CLN8: variants seen among roughly 807,000 people sequenced by gnomAD.
CLN8 encodes the protein CLN8 transmembrane ER and ERGIC protein.
In CLN8, 14 loss-of-function variants were observed where a neutral mutation model predicts 15.7. The observed-to-expected ratio is 0.89, with a 90% CI of 0.59 to 1.39. The LOEUF is 1.39. Among genes scored for constraint, CLN8 ranks in the 40% most tolerant of loss-of-function variants. The pLI, the probability that CLN8 is intolerant of heterozygous loss-of-function variation, is 0.00. For missense variants in CLN8, 415 were observed against 364.0 expected, an observed-to-expected ratio of 1.14 and a Z score of -1.14; for synonymous variants, 188 against 151.0, an observed-to-expected ratio of 1.25 and a Z score of -1.80.
intron 1 of CLN8, among the ~76,000 whole-genome samples, chr8:1,756,883 A>C (rs1406350031): frequency 6.6e-6 from 1 of 152,052 alleles, no homozygotes; most frequent in Non-Finnish European, 1.5e-5. Flanking sequence ...GGGTTTGACC[A>C]TGTTGGTCAG....
chr8:1,779,026 C>G (rs1157664244), intron 2 of CLN8, among the ~76,000 whole-genome samples: 1 of 152,178 alleles, frequency 6.6e-6, no homozygotes, highest in South Asian at 2.1e-4. Flanking sequence ...CAACAGAATG[C>G]TGAACAGCTC....
In CLN8 at chr8:1,780,421, G is replaced by C. The variant is rs1204045224; in HGVS notation, c.715G>C (p.Ala239Pro). The C allele has an allele frequency of 6.2e-7, 1 of 1,614,208 alleles. No homozygotes were observed. ...TTTGACACTGTTCCTTGTCGGACTGGCTCTGCTTACGCTAATCATTAATCC... is the reference window on the plus strand; with the variant it reads ...TTTGACACTGTTCCTTGTCGGACTGCCTCTGCTTACGCTAATCATTAATCC... ...PHLTLFLVGL[A>P]LLTLIINPYW... The change falls in exon 3 of 3, where the codon GCT (alanine) becomes CCT (proline). Residue 239 changes from alanine to proline, a missense_variant. Transcript: ENST00000331222.
At chr8:1,757,550 C>A (rs554796077) in intron 1 of CLN8, among the ~76,000 whole-genome samples, 105 of 152,282 alleles carry the variant, frequency 6.9e-4, no homozygotes, top group African/African-American at 2.5e-3. Context: ...ATGTAATTCT[C>A]CTGCCTCAGC....
chr8:1,774,545 C>T (rs895374727), intron 2 of CLN8, among the ~76,000 whole-genome samples: 3 of 152,144 alleles, frequency 2.0e-5, no homozygotes, highest in African/African-American at 4.8e-5. Flanking sequence ...CTGATTTGAT[C>T]AGAACTAAAG....
upstream of CLN8, among the ~76,000 whole-genome samples, chr8:1,753,772 G>A (rs1212430630): frequency 2.0e-5 from 3 of 151,066 alleles, no homozygotes; most frequent in Non-Finnish European, 4.4e-5. Context: ...TGTAATCCCA[G>A]CTACATGGGA....
At chr8:1,769,866 G>T (rs939943585) in intron 1 of CLN8, among the ~76,000 whole-genome samples, 2 of 152,200 alleles carry the variant, frequency 1.3e-5, no homozygotes, top group Non-Finnish European at 2.9e-5. Flanking sequence ...TGGAAGGCAG[G>T]TGTGGTCTGT....
exon 1 of CLN8, chr8:1,755,786 C>T (rs1800656260): frequency 6.6e-6 from 1 of 152,206 alleles, no homozygotes; most frequent in Non-Finnish European, 1.5e-5. Flanking sequence ...GGAATGAACT[C>T]CATGCTTGCA....
intron 2 of CLN8, among the ~76,000 whole-genome samples, chr8:1,775,270 T>C (rs1326901627): frequency 6.6e-6 from 1 of 152,228 alleles, no homozygotes; most frequent in Non-Finnish European, 1.5e-5. Flanking sequence ...TTAGGTTATA[T>C]GCACATACAA....
At position 1,780,316 on chromosome 8, in the gene CLN8, C is replaced by T. The variant is rs104894060; in HGVS notation, c.610C>T (p.Arg204Cys). The T allele has an allele frequency of 9.9e-6, 16 of 1,614,116 alleles. No individual in the cohort carries two copies. Among genetic ancestry groups the T allele is most frequent in the South Asian group, 3.3e-5 (3 of 91,090 alleles). ...GCTGATGATTCACATGTTTCACTGC[C>T]GCATGGTTCTAACCTACCACATGTG... is the stretch of plus-strand genomic sequence containing the variant. ...QWLMIHMFHC[R>C]MVLTYHMWWV... Residue 204 changes from arginine (R) to cysteine (C), a missense_variant, in exon 3 of 3, where the codon CGC (arginine) becomes TGC (cysteine). Physicochemically the swap from Arg to Cys is radical, Grantham distance 180. Coordinates refer to ENST00000331222, the MANE Select transcript of CLN8 (RefSeq NM_018941.4).
chr8:1,776,092 C>T (rs1563111451), intron 2 of CLN8, among the ~76,000 whole-genome samples: 1 of 151,832 alleles, frequency 6.6e-6, no homozygotes, highest in East Asian at 1.9e-4. Flanking sequence ...GCTCCACACA[C>T]ATGATGACAG....
chr8:1,771,567 C>G lies in CLN8; in HGVS notation c.513C>G (p.Pro171=), dbSNP rs376910635. The G allele has an allele frequency of 1.1e-4, 176 of 1,614,088 alleles. No individual in the cohort carries two copies. In the African/African-American group the frequency reaches 2.1e-3, roughly 19 times the overall value. ...MTTLLLEMST[P]FTCVSWMLLK... Reference sequence around the variant, plus strand: ...CGTTGCTCCTGGAGATGAGCACGCCCTTTACCTGCGTTTCCTGGATGCTCT... The same window carrying G: ...CGTTGCTCCTGGAGATGAGCACGCCGTTTACCTGCGTTTCCTGGATGCTCT... The change falls in exon 2 of 3, where the codon CCC becomes CCG. Residue 171 remains proline (P), a synonymous_variant. Transcript: ENST00000331222.
chr8:1,769,449 T>A (rs1361915516), intron 1 of CLN8, among the ~76,000 whole-genome samples: 1 of 152,046 alleles, frequency 6.6e-6, no homozygotes, highest in Non-Finnish European at 1.5e-5. Context: ...GAGCAGAGGG[T>A]CCAGCTGCGT....
chr8:1,765,181 T>G (rs1459816529), intron 1 of CLN8: 1 of 152,348 alleles, frequency 6.6e-6, no homozygotes, highest in East Asian at 1.9e-4. Flanking sequence ...ACACAATGTC[T>G]TCTGATAACG....
intron 2 of CLN8, among the ~76,000 whole-genome samples, chr8:1,777,329 C>T (rs547773706): frequency 5.9e-5 from 9 of 152,286 alleles, no homozygotes; most frequent in Non-Finnish European, 1.0e-4. Flanking sequence ...CTGGAAGCTG[C>T]TCTGCGAGAG....
At chr8:1,765,948 A>G (rs1046355641) in intron 1 of CLN8, among the ~76,000 whole-genome samples, 5 of 152,206 alleles carry the variant, frequency 3.3e-5, no homozygotes, top group African/African-American at 9.6e-5. Flanking sequence ...CGTCACTTCC[A>G]AGTTTGGATA....
chr8:1,767,481 C>A (rs1411364591), intron 1 of CLN8, among the ~76,000 whole-genome samples: 1 of 151,396 alleles, frequency 6.6e-6, no homozygotes. Flanking sequence ...TAGCTATTTG[C>A]TCTTATGGTG....
intron 1 of CLN8, among the ~76,000 whole-genome samples, chr8:1,768,958 C>A (rs890133500): frequency 6.6e-6 from 1 of 152,130 alleles, no homozygotes; most frequent in African/African-American, 2.4e-5. Context: ...GCATGGCAGC[C>A]CCTCAGTTGT....
chr8:1,755,679 C>G (rs562514879), upstream of CLN8: 1 of 152,336 alleles, frequency 6.6e-6, no homozygotes, highest in South Asian at 2.1e-4. Context: ...GGATGACCGA[C>G]AATCCATCCA....
chr8:1,757,991 G>T (rs533883718), intron 1 of CLN8, among the ~76,000 whole-genome samples: 2 of 152,222 alleles, frequency 1.3e-5, no homozygotes, highest in Admixed American at 6.5e-5. Flanking sequence ...GGCTCAGAGA[G>T]GTTAAGCAAC....
Sources: gnomAD v4.1 joint callset for allele counts (sites outside exome capture counted in the v4.1 genomes callset) on GRCh38, gnomAD v4.1.1 for gene constraint, MANE v1.5 for transcripts, NCBI Gene and HGNC (gene_info 2026-07-23, HGNC 2026-07-21) for gene names.